SEZ6L: variants seen among roughly 807,000 people sequenced by gnomAD.
SEZ6L encodes the protein seizure related 6 homolog like.
Under a neutral mutation model 106.2 loss-of-function variants are expected in SEZ6L, and 37 were observed. That is an observed-to-expected ratio of 0.35 (90% confidence interval 0.27 to 0.46). SEZ6L has a LOEUF of 0.46. Among genes scored for constraint, SEZ6L ranks in the 20% least tolerant of loss-of-function variants. The pLI is 1.00. For synonymous variants in SEZ6L, 541 were observed against 570.4 expected, an observed-to-expected ratio of 0.95 and a Z score of 0.73; for missense variants, 1,172 against 1,332.8, an observed-to-expected ratio of 0.88 and a Z score of 1.88.
At position 26,332,145 on chromosome 22, in the gene SEZ6L, ATGTTTT is replaced by A. The variant is rs1449130834; in HGVS notation, c.2016-8289_2016-8284del. 3.5e-3 allele frequency among the ~76,000 whole-genome samples: 432 copies of A among 121,746 alleles called. 2 individuals are homozygous for A. The highest frequency in any genetic ancestry group is 0.013 in the African/African-American group (397 of 31,212). The allele number at this position is 121,746 out of a possible 152,430, so 79.9% of individuals were successfully genotyped here. A position where few individuals can be genotyped will look rare whatever the true frequency, so the allele number is the denominator to read the frequency against. ...AAACAGCTGGAAGAGAGGATTTTCAATGTTTTTTTTTTTTTTTTTTTTGAGACAGGG... is the reference window on the plus strand; with the variant it reads ...AAACAGCTGGAAGAGAGGATTTTCAATTTTTTTTTTTTTTTTGAGACAGGG... On this transcript the variant is annotated intron_variant, in intron 9 of 16. Transcript: ENST00000248933.
At chr22:26,276,755 T>C (rs1428714489) in intron 1 of SEZ6L, among the ~76,000 whole-genome samples, 2 of 152,148 alleles carry the variant, frequency 1.3e-5, no homozygotes, top group Non-Finnish European at 2.9e-5. Context: ...TACCATGAGA[T>C]GCGAAAGCAG....
chr22:26,173,530 C>T (rs901764270), intron 1 of SEZ6L, among the ~76,000 whole-genome samples: 4 of 152,176 alleles, frequency 2.6e-5, no homozygotes, highest in African/African-American at 9.6e-5. Flanking sequence ...TGCAGGAGAG[C>T]AGGTTAATGG....
At chr22:26,351,793 C>T (rs1389711285) in intron 12 of SEZ6L, among the ~76,000 whole-genome samples, 13 of 152,144 alleles carry the variant, frequency 8.5e-5, no homozygotes, top group Admixed American at 2.0e-4. Context: ...ATGATCCACC[C>T]GCCTCGGCCT....
intron 1 of SEZ6L, among the ~76,000 whole-genome samples, chr22:26,173,908 C>G (rs1938796691): frequency 6.6e-6 from 1 of 152,142 alleles, no homozygotes; most frequent in Non-Finnish European, 1.5e-5. Flanking sequence ...TTCATTTTAA[C>G]CTAATTAATT....
At chr22:26,233,822 T>C (rs541184863) in intron 1 of SEZ6L, among the ~76,000 whole-genome samples, 26 of 152,230 alleles carry the variant, frequency 1.7e-4, no homozygotes, top group Admixed American at 1.7e-3. Context: ...TGTGGTTCCC[T>C]AGAAAGGTAG....
At position 26,327,513 on chromosome 22, in the gene SEZ6L, G is replaced by A. The variant is rs1446680913; in HGVS notation, c.2016-12923G>A. On this transcript the variant is annotated intron_variant, in intron 9 of 16. Transcript: ENST00000248933. Reference sequence around the variant, plus strand: ...ACATGACACTACACACACCACACACGCCACACACCCCACGACACTACACAC... The same window carrying A: ...ACATGACACTACACACACCACACACACCACACACCCCACGACACTACACAC... 4.6e-4 allele frequency among the ~76,000 whole-genome samples: 37 copies of A among 79,772 alleles called. No individual in the cohort carries two copies. The East Asian group carries it at 0.012, about 25-fold the overall frequency. 52.3% of individuals were successfully genotyped at this position (79,772 alleles called of 152,430 possible).
intron 12 of SEZ6L, among the ~76,000 whole-genome samples, chr22:26,355,680 A>G (rs1342993770): frequency 1.3e-5 from 2 of 152,258 alleles, no homozygotes; most frequent in African/African-American, 4.8e-5. Context: ...CAGTGAGCAG[A>G]GATCACGCCA....
At chr22:26,221,608 G>A (rs1288696076) in intron 1 of SEZ6L, among the ~76,000 whole-genome samples, 2 of 152,196 alleles carry the variant, frequency 1.3e-5, no homozygotes. Context: ...TCGTGTCAAT[G>A]GCTATCATTA....
intron 11 of SEZ6L, among the ~76,000 whole-genome samples, chr22:26,349,060 T>C (rs2083186338): frequency 6.6e-6 from 1 of 152,178 alleles, no homozygotes; most frequent in South Asian, 2.1e-4. Context: ...GAAGTCTTCT[T>C]ACCTGCCTCA....
chr22:26,209,566 G>A (rs1042269765), intron 1 of SEZ6L, among the ~76,000 whole-genome samples: 4 of 147,734 alleles, frequency 2.7e-5, no homozygotes, highest in African/African-American at 1.0e-4. Context: ...GAGGAGAGAA[G>A]GAAGGAAGAA....
chr22:26,380,205 C>G, intron 16 of SEZ6L, 61 bp from the exon 17 acceptor site: 3 of 1,527,954 alleles, frequency 2.0e-6, no homozygotes, highest in Non-Finnish European at 2.7e-6. Context: ...AACTGCATCC[C>G]CCTATGTATA....
intron 1 of SEZ6L, among the ~76,000 whole-genome samples, chr22:26,218,346 G>A (rs538258082): frequency 6.6e-6 from 1 of 152,152 alleles, no homozygotes; most frequent in Non-Finnish European, 1.5e-5. Flanking sequence ...CTATCAACCC[G>A]TCATCTAGGT....
chr22:26,318,880 C>T (rs1005098626), intron 9 of SEZ6L, among the ~76,000 whole-genome samples: 1 of 152,120 alleles, frequency 6.6e-6, no homozygotes, highest in East Asian at 1.9e-4. Flanking sequence ...AATCAAACAA[C>T]GACAAAACAG....
Position 26,267,539 on chromosome 22 carries a change from A to T in SEZ6L, c.95-24867A>T, listed in dbSNP as rs1174321170. Among the ~76,000 whole-genome samples, 4 of 152,200 alleles carry T rather than the reference A, an allele frequency of 2.6e-5. No individual in the cohort carries two copies. The East Asian group carries it at 7.7e-4, about 29-fold the overall frequency. On this transcript the variant is annotated intron_variant, in intron 1 of 16. Coordinates refer to ENST00000248933, the MANE Select transcript of SEZ6L (RefSeq NM_021115.5). ...GTAAATAAGTGAGCTCTGGGTAAAGAGGGAGTAGGGGGGAAATTCATTAAG... is the reference window on the plus strand; with the variant it reads ...GTAAATAAGTGAGCTCTGGGTAAAGTGGGAGTAGGGGGGAAATTCATTAAG...
intron 1 of SEZ6L, among the ~76,000 whole-genome samples, chr22:26,265,905 T>C (rs2080160795): frequency 6.6e-6 from 1 of 152,172 alleles, no homozygotes; most frequent in Non-Finnish European, 1.5e-5. Flanking sequence ...TCTTCCATGG[T>C]CCAAGAACTC....
chr22:26,228,356 A>T (rs2078697122), intron 1 of SEZ6L, among the ~76,000 whole-genome samples: 1 of 152,136 alleles, frequency 6.6e-6, no homozygotes, highest in Non-Finnish European at 1.5e-5. Flanking sequence ...GAGGTTAATG[A>T]AGGTGAGGGG....
chr22:26,229,196 C>T (rs904927296), intron 1 of SEZ6L, among the ~76,000 whole-genome samples: 4 of 152,144 alleles, frequency 2.6e-5, no homozygotes, highest in Admixed American at 6.5e-5. Flanking sequence ...GGGGTTTCAC[C>T]GTGTTGGCCA....
At chr22:26,177,421 A>G (rs1939091437) in intron 1 of SEZ6L, among the ~76,000 whole-genome samples, 1 of 152,236 alleles carries the variant, frequency 6.6e-6, no homozygotes, top group South Asian at 2.1e-4. Context: ...TCCTCACTAA[A>G]GCCATCTTTC....
At chr22:26,375,852 A>C (rs943117306) in intron 15 of SEZ6L, among the ~76,000 whole-genome samples, 163 bp downstream of exon 15, 3 of 152,310 alleles carry the variant, frequency 2.0e-5, no homozygotes, top group Non-Finnish European at 2.9e-5. Context: ...ACTCTGTGGG[A>C]TAAATATTTA....
Sources: gnomAD v4.1 joint callset for allele counts (sites outside exome capture counted in the v4.1 genomes callset) on GRCh38, gnomAD v4.1.1 for gene constraint, MANE v1.5 for transcripts, NCBI Gene and HGNC (gene_info 2026-07-23, HGNC 2026-07-21) for gene names.